The following ATP6V1E1 variants were observed in gnomAD, a reference collection of about 807,000 sequenced individuals.
ATP6V1E1 encodes V-type proton ATPase subunit E 1.
ATP6V1E1 carries 21 observed loss-of-function variants against 35.2 expected under a neutral mutation model. The ratio of observed to expected loss-of-function variants is 0.60; its 90% confidence interval spans 0.42 to 0.86. The LOEUF (loss-of-function observed/expected upper bound fraction) is 0.86. Among genes scored for constraint, ATP6V1E1 ranks in the 40% least tolerant of loss-of-function variants. The pLI, the probability that ATP6V1E1 is intolerant of heterozygous loss-of-function variation, is 0.00. For missense variants in ATP6V1E1, 183 were observed against 272.6 expected, an observed-to-expected ratio of 0.67 and a Z score of 2.32; for synonymous variants, 83 against 87.8, an observed-to-expected ratio of 0.95 and a Z score of 0.30.
intron 5 of ATP6V1E1, among the ~76,000 whole-genome samples, chr22:17,600,494 T>C (rs5747252): frequency 0.35 from 52,854 of 151,938 alleles, 9,532 homozygotes; most frequent in African/African-American, 0.41. Flanking sequence ...TCTACAGTTC[T>C]TTCATTTAGG....
intron 2 of ATP6V1E1, among the ~76,000 whole-genome samples, chr22:17,615,174 G>A (rs1278190220): frequency 6.6e-6 from 1 of 151,624 alleles, no homozygotes; most frequent in Non-Finnish European, 1.5e-5. Flanking sequence ...GGTGGCGGGC[G>A]CCTGTAGTTC....
intron 1 of ATP6V1E1, among the ~76,000 whole-genome samples, chr22:17,622,172 G>A (rs1160785432): frequency 6.6e-6 from 1 of 152,166 alleles, no homozygotes; most frequent in Non-Finnish European, 1.5e-5. Flanking sequence ...AAAAATTGAC[G>A]TAGGATCTTT....
intron 4 of ATP6V1E1, among the ~76,000 whole-genome samples, chr22:17,604,746 G>A (rs2057777173): frequency 1.3e-5 from 2 of 151,772 alleles, no homozygotes; most frequent in Middle Eastern, 3.4e-3. Context: ...CTCGAACCCC[G>A]GACCTCATGA....
At chr22:17,615,262 C>T (rs550841981) in intron 2 of ATP6V1E1, among the ~76,000 whole-genome samples, 1 of 152,200 alleles carries the variant, frequency 6.6e-6, no homozygotes, top group East Asian at 1.9e-4. Context: ...GATCATGCCA[C>T]TGCACTCTAG....
chr22:17,596,030 G>A (rs929490390), intron 7 of ATP6V1E1, among the ~76,000 whole-genome samples: 1 of 151,676 alleles, frequency 6.6e-6, no homozygotes, highest in African/African-American at 2.4e-5. Context: ...TAATCGGGAG[G>A]CTAAGGCAGG....
intron 4 of ATP6V1E1, among the ~76,000 whole-genome samples, chr22:17,601,930 G>A (rs1287625300): frequency 2.0e-5 from 3 of 151,066 alleles, no homozygotes; most frequent in Non-Finnish European, 4.4e-5. Context: ...TTTGAGACAG[G>A]GTCTTGCTCT....
chr22:17,616,387 C>T (rs1899563958), intron 2 of ATP6V1E1, among the ~76,000 whole-genome samples: 1 of 148,614 alleles, frequency 6.7e-6, no homozygotes, highest in Non-Finnish European at 1.5e-5. Flanking sequence ...GACAGAAATG[C>T]ATTTACTGAG....
intron 1 of ATP6V1E1, 83 bp downstream of exon 1, chr22:17,628,520 G>A: frequency 6.3e-7 from 1 of 1,591,408 alleles, no homozygotes; most frequent in Non-Finnish European, 8.6e-7. Flanking sequence ...GCGGCTCAAG[G>A]CCCGCGGCCT....
At chr22:17,599,420 C>CA (rs1339941197) in intron 6 of ATP6V1E1, among the ~76,000 whole-genome samples, 1 of 149,358 alleles carries the variant, frequency 6.7e-6, no homozygotes, top group South Asian at 2.1e-4. Context: ...ACTAAAGATA[C>CA]AAAAAATTAG....
At chr22:17,613,104 G>T in intron 3 of ATP6V1E1, 107 bp downstream of exon 3, 1 of 940,468 alleles carries the variant, frequency 1.1e-6, no homozygotes, top group Non-Finnish European at 1.6e-6. Context: ...CAGATTAGTA[G>T]TAGGTGGTCG....
intron 2 of ATP6V1E1, among the ~76,000 whole-genome samples, chr22:17,614,667 T>TA (rs200743259): frequency 0.29 from 38,109 of 130,602 alleles, 5,354 homozygotes; most frequent in Middle Eastern, 0.43. Context: ...AGCGAACTCT[T>TA]AAAAAAAAAA....
chr22:17,613,509 C>T (rs2057825635), intron 2 of ATP6V1E1, among the ~76,000 whole-genome samples, 189 bp from the exon 3 acceptor site: 1 of 151,650 alleles, frequency 6.6e-6, no homozygotes, highest in South Asian at 2.1e-4. Context: ...TTATAAATGA[C>T]GTACTAGGAA....
At chr22:17,616,055 AAACAAAC>A (rs1400249114) in intron 2 of ATP6V1E1, among the ~76,000 whole-genome samples, 2 of 149,526 alleles carry the variant, frequency 1.3e-5, no homozygotes, top group African/African-American at 5.0e-5. Context: ...ACAAACAAAC[AAACAAAC>A]AAAAGCCGGG....
At chr22:17,616,267 G>C (rs1232042670) in intron 2 of ATP6V1E1, among the ~76,000 whole-genome samples, 5 of 152,210 alleles carry the variant, frequency 3.3e-5, no homozygotes. Flanking sequence ...AGAATTGCTT[G>C]AACCCAGGAG....
chr22:17,616,550 G>A, intron 2 of ATP6V1E1, among the ~76,000 whole-genome samples: 1 of 151,836 alleles, frequency 6.6e-6, no homozygotes, highest in East Asian at 1.9e-4. Flanking sequence ...GTGATGGCAT[G>A]CGCCTGTAGT....
At chr22:17,619,133 A>T (rs1168773219) in intron 2 of ATP6V1E1, 2 of 448,908 alleles carry the variant, frequency 4.5e-6, no homozygotes, top group Non-Finnish European at 8.7e-6. Context: ...CTCTACTAAA[A>T]ATACAAATAT....
At position 17,599,577 on chromosome 22, in the gene ATP6V1E1, C is replaced by CAAAAAAA. The variant is rs71284922; in HGVS notation, c.435+443_435+449dup. Among the ~76,000 whole-genome samples the CAAAAAAA allele has an allele frequency of 5.3e-3, 344 of 65,452 alleles. 9 individuals carry two copies. The highest frequency in any genetic ancestry group is 0.012 in the Middle Eastern group (1 of 82). The allele number at this position is 65,452 out of a possible 152,430, so 42.9% of individuals were successfully genotyped here. Reference sequence around the variant, plus strand: ...GGGAAATGAGAGCGAAACTCCATCTCAAAAAAAAAAAAAAAAAGGAAACTA... The same window carrying CAAAAAAA: ...GGGAAATGAGAGCGAAACTCCATCTCAAAAAAAAAAAAAAAAAAAAAAAAGGAAACTA... On this transcript the variant is annotated intron_variant, in intron 6 of 8. Coordinates refer to ENST00000253413, the MANE Select transcript of ATP6V1E1 (RefSeq NM_001696.4).
chr22:17,628,498 T>G, intron 1 of ATP6V1E1, 105 bp downstream of exon 1: 1 of 1,490,416 alleles, frequency 6.7e-7, no homozygotes, highest in Non-Finnish European at 9.3e-7. Context: ...GGGACCTTCC[T>G]GCGGCATCTG....
At chr22:17,611,674 A>G (rs990810569) in intron 4 of ATP6V1E1, among the ~76,000 whole-genome samples, 3 of 152,232 alleles carry the variant, frequency 2.0e-5, no homozygotes, top group African/African-American at 7.2e-5. Flanking sequence ...TGGATCCACC[A>G]TTCTCCTAGT....
Sources: gnomAD v4.1 joint callset for allele counts (sites outside exome capture counted in the v4.1 genomes callset) on GRCh38, gnomAD v4.1.1 for gene constraint, MANE v1.5 for transcripts, NCBI Gene and HGNC (gene_info 2026-07-23, HGNC 2026-07-21) for gene names.